The following DMXL2 variants were observed in gnomAD, a reference collection of about 807,000 sequenced individuals.
DMXL2 encodes the protein dmX-like protein 2.
In DMXL2, 103 loss-of-function variants were observed where a neutral mutation model predicts 331.1. That is an observed-to-expected ratio of 0.31 (90% CI 0.27 to 0.37). The LOEUF (loss-of-function observed/expected upper bound fraction) is 0.37. DMXL2 is among the 10% of genes least tolerant of loss of function. The pLI is 1.00. For missense variants in DMXL2, 3,171 were observed against 3,642.9 expected, an observed-to-expected ratio of 0.87 and a Z score of 3.33; for synonymous variants, 1,281 against 1,252.1, an observed-to-expected ratio of 1.02 and a Z score of -0.49.
chr15:51,511,155 A>G (rs2046733905), intron 15 of DMXL2, among the ~76,000 whole-genome samples: 1 of 152,200 alleles, frequency 6.6e-6, no homozygotes, highest in Non-Finnish European at 1.5e-5. Flanking sequence ...TGACTAAAAC[A>G]CCAAAAACAA....
In DMXL2 at chr15:51,563,437, A is replaced by G. The variant is rs1444294563; in HGVS notation, c.511T>C (p.Ser171Pro). Residue 171 changes from serine to proline, a missense_variant, in exon 6 of 44, where the codon TCT becomes CCT. By Grantham distance (74) the Ser-to-Pro change is moderately conservative. Transcript: ENST00000560891. The stretch of plus-strand genomic sequence containing the variant: ...GGAGACCATTCCATCAAATGTACAG[A>G]TACTGAGGTTCTAAAAAAGAGAGAG... Reference protein sequence around the residue: ...KCVWQCKTSVSVHLMEWSPDG... With the variant: ...KCVWQCKTSVPVHLMEWSPDG... 6 of 1,606,054 alleles carry G rather than the reference A, an allele frequency of 3.7e-6. No homozygotes were observed. The highest frequency in any genetic ancestry group is 5.1e-6 in the Non-Finnish European group (6 of 1,176,680).
rs914136322 is a variant in DMXL2 at position 51,466,309 on chromosome 15, T to C, written c.7395A>G (p.Pro2465=). Residue 2465 remains proline, a splice_region_variant and synonymous_variant, in exon 30 of 44, where the codon CCA becomes CCG. Transcript: ENST00000560891. ...CACCACTATCAGACAAAGGAAGAAATGGCTGCAATAAAAGGTAAAATTATT... is the reference window on the plus strand; with the variant it reads ...CACCACTATCAGACAAAGGAAGAAACGGCTGCAATAAAAGGTAAAATTATT... ...LSMWDYFVAK[P]FLPLSDSGVI... 1 of 1,356,950 alleles carries C rather than the reference T, an allele frequency of 7.4e-7. No individual in the cohort carries two copies. Among genetic ancestry groups the C allele is most frequent in the Non-Finnish European group, 9.7e-7 (1 of 1,032,396 alleles). The allele number at this position is 1,356,950 out of a possible 1,614,324, so 84.1% of individuals were successfully genotyped here.
At chr15:51,603,952 G>A (rs2053404006) in intron 1 of DMXL2, among the ~76,000 whole-genome samples, 1 of 151,192 alleles carries the variant, frequency 6.6e-6, no homozygotes, top group East Asian at 1.9e-4. Context: ...AAACAGTACA[G>A]GAGAAAAAAC....
intron 1 of DMXL2, among the ~76,000 whole-genome samples, chr15:51,622,215 T>C (rs745325020): frequency 2.0e-5 from 3 of 152,178 alleles, no homozygotes; most frequent in Non-Finnish European, 4.4e-5. Flanking sequence ...GCCCGTTTGC[T>C]TGGGGTGGAG....
intron 35 of DMXL2, 40 bp from the exon 36 acceptor site, chr15:51,458,667 A>C (rs754161565): frequency 6.2e-7 from 1 of 1,613,822 alleles, no homozygotes; most frequent in South Asian, 1.1e-5. Flanking sequence ...AAGCAATTTC[A>C]CTAAGGAGAA....
chr15:51,462,246 C>T (rs1054549434), intron 33 of DMXL2, among the ~76,000 whole-genome samples: 10 of 152,124 alleles, frequency 6.6e-5, no homozygotes, highest in Non-Finnish European at 8.8e-5. Flanking sequence ...TACTTTATCT[C>T]GGGAAATTGA....
rs2042397933 is a variant in DMXL2, at chr15:51,486,409, A to G, written c.5218-72T>C. The G allele has an allele frequency of 2.6e-6, 3 of 1,162,700 alleles. 1 individual carries two copies. The African/African-American group carries it at 4.7e-5, about 18-fold the overall frequency. The allele number at this position is 1,162,700 out of a possible 1,614,324, so 72.0% of individuals were successfully genotyped here. ...TAGAGAGATGAAATATCCCATCAAT[A>G]CCCTGAAATTATCTACCATTTATAT... On this transcript the variant is annotated intron_variant, in intron 22 of 43. Transcript: ENST00000560891.
chr15:51,476,149 G>T (rs2041564570), intron 27 of DMXL2, among the ~76,000 whole-genome samples: 1 of 151,860 alleles, frequency 6.6e-6, no homozygotes, highest in African/African-American at 2.4e-5. Flanking sequence ...GAGCCAACAA[G>T]AAAAAAAGGA....
chr15:51,512,327 A>C (rs1187489150), intron 15 of DMXL2, among the ~76,000 whole-genome samples: 1 of 152,232 alleles, frequency 6.6e-6, no homozygotes, highest in Non-Finnish European at 1.5e-5. Context: ...GTTTGGATAT[A>C]GATTCAAACA....
chr15:51,611,357 C>T (rs138119521), intron 1 of DMXL2, among the ~76,000 whole-genome samples: 136 of 152,176 alleles, frequency 8.9e-4, no homozygotes, highest in African/African-American at 3.1e-3. Context: ...AAAATCTACA[C>T]AAAATAGAAT....
intron 14 of DMXL2, among the ~76,000 whole-genome samples, chr15:51,514,952 G>C (rs546131651): frequency 1.3e-5 from 2 of 152,144 alleles, no homozygotes; most frequent in East Asian, 3.9e-4. Flanking sequence ...CACTATGTAA[G>C]ACACACTAGA....
chr15:51,604,300 AG>A (rs1160717058), intron 1 of DMXL2, among the ~76,000 whole-genome samples: 4 of 150,454 alleles, frequency 2.7e-5, no homozygotes, highest in African/African-American at 9.8e-5. Flanking sequence ...TACTGCAATA[AG>A]GAAAAAAAAA....
intron 13 of DMXL2, among the ~76,000 whole-genome samples, chr15:51,526,871 G>A (rs1414634555): frequency 4.6e-5 from 7 of 152,026 alleles, no homozygotes; most frequent in Non-Finnish European, 7.4e-5. Context: ...AAAAAACAAC[G>A]AAGCACATCT....
At chr15:51,503,994 A>G (rs1169873647) in intron 16 of DMXL2, among the ~76,000 whole-genome samples, 1 of 152,156 alleles carries the variant, frequency 6.6e-6, no homozygotes, top group Admixed American at 6.5e-5. Flanking sequence ...GACAGGGAAG[A>G]ATCACAACAT....
At chr15:51,620,765 A>C (rs2054575281) in intron 1 of DMXL2, among the ~76,000 whole-genome samples, 1 of 152,170 alleles carries the variant, frequency 6.6e-6, no homozygotes, top group Admixed American at 6.5e-5. Flanking sequence ...TGAAACGCTG[A>C]ATTAGGGAAG....
intron 1 of DMXL2, among the ~76,000 whole-genome samples, chr15:51,614,067 G>C (rs1167971403): frequency 1.3e-5 from 2 of 152,190 alleles, no homozygotes; most frequent in Non-Finnish European, 2.9e-5. Context: ...GGTAATATAA[G>C]GTTAAATGAG....
chr15:51,453,417 T>A (rs2039333761), intron 41 of DMXL2, 133 bp downstream of exon 41: 2 of 579,904 alleles, frequency 3.4e-6, no homozygotes, highest in South Asian at 3.6e-5. Flanking sequence ...CACTCTGAAA[T>A]AAGAATTATG....
At chr15:51,497,514 ATAAAG>A (rs1240821948) in intron 18 of DMXL2, among the ~76,000 whole-genome samples, 9 of 152,348 alleles carry the variant, frequency 5.9e-5, no homozygotes, top group African/African-American at 1.4e-4. Flanking sequence ...ATTAAATATG[ATAAAG>A]TAAAGAAAGT....
chr15:51,533,156 A>G (rs1029563419), intron 13 of DMXL2, among the ~76,000 whole-genome samples: 6 of 152,140 alleles, frequency 3.9e-5, no homozygotes, highest in African/African-American at 1.4e-4. Context: ...AGACCACAGG[A>G]GAGGGAGATT....
Sources: allele counts gnomAD v4.1 joint callset (sites outside exome capture counted in the v4.1 genomes callset), GRCh38; gene constraint gnomAD v4.1.1; transcripts MANE v1.5; gene names NCBI Gene and HGNC (gene_info 2026-07-23, HGNC 2026-07-21).